The following ALPK2 variants were observed in gnomAD, a reference collection of about 807,000 sequenced individuals.
The protein encoded by ALPK2 is alpha-protein kinase 2.
Under a neutral mutation model 163.1 loss-of-function variants are expected in ALPK2, and 127 were observed. That is an observed-to-expected ratio of 0.78 (90% CI 0.67 to 0.90). ALPK2 has a LOEUF of 0.90. Ranked by LOEUF, ALPK2 falls within the 40% of genes least tolerant of loss-of-function variation. The pLI, the probability that ALPK2 is intolerant of heterozygous loss-of-function variation, is 0.00. For missense variants in ALPK2, 2,360 were observed against 2,589.6 expected (o/e 0.91, Z 1.92); for synonymous variants, 953 against 959.1 (o/e 0.99, Z 0.12).
In ALPK2 at chr18:58,535,069, C is replaced by T. The variant is rs372855790; in HGVS notation, c.5118G>A (p.Thr1706=). The T allele has an allele frequency of 7.7e-5, 124 of 1,614,090 alleles. 2 individuals are homozygous for T. The highest frequency in any genetic ancestry group is 6.7e-4 in the South Asian group (61 of 91,064). Residue 1706 remains threonine, a synonymous_variant, in exon 5 of 13, where the codon ACG becomes ACA. Coordinates refer to ENST00000361673, the MANE Select transcript of ALPK2 (RefSeq NM_052947.4). The stretch of plus-strand genomic sequence containing the variant: ...GCTTCCTCTTGACCTCCTCTGACCC[C>T]GTCACTGCTGTGAGGGTCCCTGGCG... ...GKSPGTLTAV[T]GSEEVKRKPE...
chr18:58,544,542 A>G (rs2051707694), intron 4 of ALPK2: 1 of 152,226 alleles, frequency 6.6e-6, no homozygotes, highest in Admixed American at 6.5e-5. Context: ...GGAAAACAAG[A>G]TGTACATAGA....
At chr18:58,598,368 G>A (rs907746736) in intron 3 of ALPK2, among the ~76,000 whole-genome samples, 1 of 152,234 alleles carries the variant, frequency 6.6e-6, no homozygotes, top group African/African-American at 2.4e-5. Flanking sequence ...GACAAAGCAG[G>A]AATTCCAGGT....
chr18:58,528,291 G>T (rs1435977243), intron 6 of ALPK2, among the ~76,000 whole-genome samples: 3 of 152,154 alleles, frequency 2.0e-5, no homozygotes, highest in Non-Finnish European at 4.4e-5. Context: ...CAGCACTTTG[G>T]GAGGCTGAGG....
intron 8 of ALPK2, among the ~76,000 whole-genome samples, chr18:58,519,374 A>G (rs972865356): frequency 3.9e-5 from 6 of 152,228 alleles, no homozygotes; most frequent in Non-Finnish European, 5.9e-5. Context: ...TGTTATATGT[A>G]CATACACCAG....
rs572521431 is a variant in ALPK2, at chr18:58,481,778, A to G, written c.*45T>C. On this transcript the variant is annotated 3_prime_UTR_variant, in exon 13 of 13. Transcript: ENST00000361673. The stretch of plus-strand genomic sequence containing the variant: ...GTGTGGCCTCAGATTTTCCCTGGCG[A>G]GATTGTGTGCTGCTAGCCAGTGGCC... The G allele has an allele frequency of 1.7e-5, 25 of 1,504,660 alleles. No homozygotes were observed. In the South Asian group the frequency reaches 2.3e-4, roughly 14 times the overall value. The allele number at this position is 1,504,660 out of a possible 1,614,324, so 93.2% of individuals were successfully genotyped here.
At chr18:58,568,239 C>T (rs1014811794) in intron 4 of ALPK2, among the ~76,000 whole-genome samples, 3 of 152,172 alleles carry the variant, frequency 2.0e-5, no homozygotes, top group Non-Finnish European at 2.9e-5. Flanking sequence ...AGGACAGGAA[C>T]GCCTTATGTG....
chr18:58,591,851 C>T (rs2052016466), intron 3 of ALPK2, among the ~76,000 whole-genome samples: 1 of 152,174 alleles, frequency 6.6e-6, no homozygotes, highest in Non-Finnish European at 1.5e-5. Flanking sequence ...ACCAAAGCAA[C>T]AGGCAGAGAC....
Position 58,579,369 on chromosome 18 carries a change from G to A in ALPK2, c.1407C>T (p.Thr469=), listed in dbSNP as rs2051942171. The A allele has an allele frequency of 6.2e-7, 1 of 1,613,984 alleles. No individual in the cohort carries two copies. Among genetic ancestry groups the A allele is most frequent in the South Asian group, 1.1e-5 (1 of 91,074 alleles). ...ENDYPGIQGE[T]RDSHQAREEF... ...CCTCTCTTGCTTGGTGGCTGTCTCT[G>A]GTTTCTCCTTGAATTCCTGGATAAT... Residue 469 remains threonine (T), a synonymous_variant, in exon 4 of 13, where the codon ACC becomes ACT. Coordinates refer to ENST00000361673, the MANE Select transcript of ALPK2 (RefSeq NM_052947.4).
intron 3 of ALPK2, among the ~76,000 whole-genome samples, chr18:58,588,511 C>T (rs1053488631): frequency 6.6e-6 from 1 of 152,026 alleles, no homozygotes; most frequent in African/African-American, 2.4e-5. Context: ...CCTATTAACC[C>T]ATCACTTAGA....
intron 11 of ALPK2, among the ~76,000 whole-genome samples, chr18:58,503,335 A>G (rs2051442512): frequency 6.6e-6 from 1 of 152,252 alleles, no homozygotes; most frequent in Non-Finnish European, 1.5e-5. Flanking sequence ...TTGAGGATAG[A>G]ACAGTAAAGC....
intron 3 of ALPK2, among the ~76,000 whole-genome samples, chr18:58,601,974 C>T (rs9964346): frequency 0.33 from 50,770 of 151,986 alleles, 8,557 homozygotes; most frequent in Admixed American, 0.38. Context: ...GGCCTCCTCC[C>T]GCCAGATGCA....
rs547149081 is a variant in ALPK2 at position 58,554,647 on chromosome 18, C to T, written c.1963-16423G>A. ...TGTCTTGTGCTTCAGTTGGTCCTTT[C>T]GACCAGCCGTGAAGTAACAGGCTTC... On this transcript the variant is annotated intron_variant, in intron 4 of 12. Coordinates refer to ENST00000361673, the MANE Select transcript of ALPK2 (RefSeq NM_052947.4). Among the ~76,000 whole-genome samples, 11 of 152,296 alleles carry T rather than the reference C, an allele frequency of 7.2e-5. No homozygotes were observed. The South Asian group carries it at 8.3e-4, about 11-fold the overall frequency.
intron 8 of ALPK2, among the ~76,000 whole-genome samples, chr18:58,522,824 A>G (rs2051562365): frequency 1.3e-5 from 2 of 152,096 alleles, no homozygotes; most frequent in Non-Finnish European, 1.5e-5. Context: ...CCAATTCTGG[A>G]TATCTGTAGT....
chr18:58,520,096 C>T (rs2051541842), intron 8 of ALPK2, among the ~76,000 whole-genome samples: 1 of 152,012 alleles, frequency 6.6e-6, no homozygotes, highest in African/African-American at 2.4e-5. Context: ...ACACTCCACG[C>T]TGCCCAAAGT....
intron 10 of ALPK2, among the ~76,000 whole-genome samples, chr18:58,505,611 C>T (rs762992220): frequency 2.0e-5 from 3 of 152,138 alleles, no homozygotes; most frequent in Non-Finnish European, 4.4e-5. Context: ...AGCCTAGCAG[C>T]ATTCCATGAT....
At chr18:58,490,869 G>A (rs1294469625) in intron 12 of ALPK2, among the ~76,000 whole-genome samples, 1 of 152,194 alleles carries the variant, frequency 6.6e-6, no homozygotes, top group Non-Finnish European at 1.5e-5. Context: ...AGGGGGAGAA[G>A]CACTCATCTA....
chr18:58,612,409 G>A (rs1050252869), intron 1 of ALPK2, among the ~76,000 whole-genome samples: 7 of 152,244 alleles, frequency 4.6e-5, no homozygotes, highest in Admixed American at 4.6e-4. Flanking sequence ...TGAGCACCAG[G>A]TGGGTGCCCT....
intron 3 of ALPK2, among the ~76,000 whole-genome samples, chr18:58,596,500 G>A (rs56114648): frequency 0.15 from 23,534 of 152,206 alleles, 1,969 homozygotes; most frequent in African/African-American, 0.18. Flanking sequence ...AGCAGCCGCC[G>A]CAGGGAATGG....
intron 1 of ALPK2, among the ~76,000 whole-genome samples, chr18:58,616,287 A>G (rs2052167741): frequency 6.6e-6 from 1 of 152,170 alleles, no homozygotes; most frequent in South Asian, 2.1e-4. Flanking sequence ...ATGTTGGGGC[A>G]CTTTTGGCCT....
Sources: allele counts gnomAD v4.1 joint callset (sites outside exome capture counted in the v4.1 genomes callset), GRCh38; gene constraint gnomAD v4.1.1; transcripts MANE v1.5; gene names NCBI Gene and HGNC (gene_info 2026-07-23, HGNC 2026-07-21).